Variants in LAMA2 observed in about 807,000 individuals in gnomAD.
The protein encoded by LAMA2 is laminin subunit alpha 2, also known as laminin subunit alpha-2.
LAMA2 carries 269 observed loss-of-function variants against 364.8 expected under a neutral mutation model. The observed-to-expected ratio is 0.74, with a 90% confidence interval of 0.67 to 0.82. LAMA2 has a LOEUF of 0.82. Among genes scored for constraint, LAMA2 ranks in the 40% least tolerant of loss-of-function variants. The probability of loss-of-function intolerance (pLI) is 0.00; values close to 1 mark genes in which losing one functional copy is unlikely to be tolerated. For missense variants in LAMA2, 3,807 were observed against 3,873.2 expected (o/e 0.98, Z 0.45); for synonymous variants, 1,379 against 1,370.6 (o/e 1.01, Z -0.14).
At chr6:129,014,338 C>A in intron 1 of LAMA2, among the ~76,000 whole-genome samples, 1 of 152,118 alleles carries the variant, frequency 6.6e-6, no homozygotes, top group Non-Finnish European at 1.5e-5. Context: ...CTGCATTTGT[C>A]CCCTCTGCGT....
intron 1 of LAMA2, among the ~76,000 whole-genome samples, chr6:128,908,869 AT>A (rs1307802098): frequency 6.8e-6 from 1 of 147,996 alleles, no homozygotes; most frequent in East Asian, 1.9e-4. Flanking sequence ...GAACATCTTT[AT>A]TTCTGCCTTC....
intron 52 of LAMA2, 49 bp downstream of exon 52, chr6:129,473,401 C>A (rs1213938341): frequency 6.5e-7 from 1 of 1,536,300 alleles, no homozygotes; most frequent in Non-Finnish European, 9.0e-7. Context: ...AATTAAATGA[C>A]CACTATGCTC....
At chr6:129,438,618 A>T (rs748297076) in intron 41 of LAMA2, 28 bp from the exon 42 acceptor site, 2 of 1,115,472 alleles carry the variant, frequency 1.8e-6, no homozygotes, top group Non-Finnish European at 2.8e-6. Context: ...AAACTTATTT[A>T]ATCCTTTTTT....
chr6:129,442,109 G>T (rs1782146897), intron 43 of LAMA2: 8 of 758,164 alleles, frequency 1.1e-5, no homozygotes, highest in South Asian at 1.0e-4. Flanking sequence ...TTTTGGGGGG[G>T]TATCAAAATA....
Position 129,492,415 on chromosome 6 carries a change from G to A in LAMA2, c.8176G>A (p.Glu2726Lys). The A allele has an allele frequency of 6.2e-7, 1 of 1,614,134 alleles. No homozygotes were observed. The highest frequency in any genetic ancestry group is 2.2e-5 in the East Asian group (1 of 44,866). The change falls in exon 58 of 65, where the codon GAA becomes AAA. Residue 2726 changes from glutamate (E) to lysine (K), a missense_variant. Glu to Lys is a moderately conservative substitution (Grantham distance 56, BLOSUM62 1). Around this residue, in one of 3 missense-constraint regions of LAMA2, gnomAD observed 3,333 missense variants for 3,345.7 expected, o/e 1.00. Transcript: ENST00000421865. ...AGATGAAGATGGAGCAGCTCCAGCT[G>A]AAATAGTTATCCAGCCTGAGCCAGT... ...REDEDGAAPAEIVIQPEPVPT... is the reference protein window; with the variant it reads ...REDEDGAAPAKIVIQPEPVPT...
intron 3 of LAMA2, among the ~76,000 whole-genome samples, chr6:129,068,926 C>T (rs1773117743): frequency 6.6e-6 from 1 of 152,030 alleles, no homozygotes; most frequent in South Asian, 2.1e-4. Flanking sequence ...TACAATGATG[C>T]TGTTTAAACA....
In LAMA2 at chr6:129,300,719, C is replaced by T. The variant is rs1761741991; in HGVS notation, c.3038-17C>T. ...CTATTTTTCCCCTTCTTTGTTTTCC[C>T]TCTTATACCGGTGAAGCTTGTGAAT... On this transcript the variant is annotated splice_polypyrimidine_tract_variant and intron_variant, in intron 21 of 64. Transcript: ENST00000421865. The T allele has an allele frequency of 1.2e-6, 2 of 1,613,192 alleles. No individual in the cohort carries two copies. The highest frequency in any genetic ancestry group is 1.3e-5 in the African/African-American group (1 of 74,886).
At chr6:129,449,130 G>A (rs1230647297) in intron 45 of LAMA2, among the ~76,000 whole-genome samples, 1 of 152,182 alleles carries the variant, frequency 6.6e-6, no homozygotes, top group Non-Finnish European at 1.5e-5. Context: ...CAGTTTCTGA[G>A]AGTATATTCA....
intron 29 of LAMA2, among the ~76,000 whole-genome samples, chr6:129,339,946 T>C (rs772413611): frequency 6.7e-6 from 1 of 149,774 alleles, no homozygotes; most frequent in Non-Finnish European, 1.5e-5. Context: ...GAGGTTGCAG[T>C]GAGCTGAGAT....
At chr6:129,104,340 G>A (rs957380013) in intron 4 of LAMA2, among the ~76,000 whole-genome samples, 7 of 152,090 alleles carry the variant, frequency 4.6e-5, no homozygotes, top group African/African-American at 1.2e-4. Context: ...ATGTAACAAG[G>A]CATTATGAAA....
intron 40 of LAMA2, among the ~76,000 whole-genome samples, chr6:129,410,157 A>G (rs9321165): frequency 0.5 from 76,067 of 151,814 alleles, 19,534 homozygotes; most frequent in African/African-American, 0.62. Context: ...CATAGTTCAG[A>G]TTCTTCAAGA....
intron 1 of LAMA2, among the ~76,000 whole-genome samples, chr6:128,955,021 T>C (rs1305645685): frequency 6.6e-6 from 1 of 151,606 alleles, no homozygotes; most frequent in Non-Finnish European, 1.5e-5. Context: ...CACAAGGAAA[T>C]ACTAAATAAC....
chr6:129,055,641 A>G (rs186601423), intron 2 of LAMA2, among the ~76,000 whole-genome samples: 1 of 152,346 alleles, frequency 6.6e-6, no homozygotes, highest in Admixed American at 6.5e-5. Context: ...GGAGCAACAG[A>G]TGATAAAATT....
intron 40 of LAMA2, among the ~76,000 whole-genome samples, chr6:129,427,031 G>A (rs963529992): frequency 1.3e-5 from 2 of 152,176 alleles, no homozygotes; most frequent in Non-Finnish European, 2.9e-5. Context: ...TTGCTGAGGA[G>A]CAAACACTAT....
rs142794188 is a variant in LAMA2, at chr6:129,131,747, T to C, written c.640-12154T>C. 3.3e-5 allele frequency among the ~76,000 whole-genome samples: 5 copies of C among 152,334 alleles called. No individual in the cohort carries two copies. In the East Asian group the frequency reaches 9.6e-4, roughly 29 times the overall value. ...TAAACCTTGGGGTACTGTTTACTTG[T>C]ATCAAAATTGTTGTTGTCCTATAAG... On this transcript the variant is annotated intron_variant, in intron 4 of 64. Coordinates refer to ENST00000421865, the MANE Select transcript of LAMA2 (RefSeq NM_000426.4).
chr6:129,256,172 A>C (rs1216124236), intron 14 of LAMA2, among the ~76,000 whole-genome samples: 1 of 152,196 alleles, frequency 6.6e-6, no homozygotes, highest in Non-Finnish European at 1.5e-5. Flanking sequence ...GCAGGGTAAC[A>C]AGGAGATCTT....
chr6:129,168,977 T>C (rs1779951039), intron 9 of LAMA2, among the ~76,000 whole-genome samples: 1 of 152,160 alleles, frequency 6.6e-6, no homozygotes, highest in African/African-American at 2.4e-5. Flanking sequence ...GTTGTTGTTG[T>C]ATAAGAATGC....
In LAMA2 at chr6:129,296,723, A is replaced by C. The variant is rs142652475; in HGVS notation, c.2857-962A>C. On this transcript the variant is annotated intron_variant, in intron 20 of 64. Transcript: ENST00000421865. ...ATTTTCCAAAATAAGAATTATTTTTACAAAGAAGTAATTACCGAGAATAAT... is the reference window on the plus strand; with the variant it reads ...ATTTTCCAAAATAAGAATTATTTTTCCAAAGAAGTAATTACCGAGAATAAT... Among the ~76,000 whole-genome samples the C allele has an allele frequency of 4.2e-3, 642 of 152,236 alleles. 2 individuals carry two copies. Among genetic ancestry groups the C allele is most frequent in the African/African-American group, 0.014 (594 of 41,556 alleles).
At chr6:129,359,611 A>G (rs2114606686) in intron 32 of LAMA2, among the ~76,000 whole-genome samples, 1 of 138,510 alleles carries the variant, frequency 7.2e-6, no homozygotes, top group East Asian at 2.1e-4. Context: ...CGTCAATGGC[A>G]TTCATCTAGG....
Sources: gnomAD v4.1 joint callset for allele counts (sites outside exome capture counted in the v4.1 genomes callset) on GRCh38, gnomAD v4.1.1 for gene constraint, gnomAD v4.1.1 regional missense constraint, MANE v1.5 for transcripts, NCBI Gene and HGNC (gene_info 2026-07-23, HGNC 2026-07-21) for gene names.